The following SGCZ variants were observed in gnomAD, a reference collection of about 807,000 sequenced individuals.
The protein encoded by SGCZ is zeta-sarcoglycan.
In SGCZ, 40 loss-of-function variants were observed where a neutral mutation model predicts 41.3. The ratio of observed to expected loss-of-function variants is 0.97; its 90% CI spans 0.75 to 1.26. The LOEUF (loss-of-function observed/expected upper bound fraction) is 1.26. SGCZ is among the 50% of genes most tolerant of loss of function. The probability of loss-of-function intolerance (pLI) is 0.00; values close to 1 mark genes in which losing one functional copy is unlikely to be tolerated. For missense variants in SGCZ, 552 were observed against 369.8 expected (o/e 1.49, Z -4.04); for synonymous variants, 206 against 137.5 (o/e 1.50, Z -3.49).
intron 2 of SGCZ, among the ~76,000 whole-genome samples, chr8:14,431,408 T>G (rs962755954): frequency 1.3e-5 from 2 of 152,180 alleles, no homozygotes; most frequent in Non-Finnish European, 2.9e-5. Context: ...CAAGTGATCT[T>G]TGACAAAGCA....
At chr8:14,409,757 G>A (rs769525850) in intron 2 of SGCZ, among the ~76,000 whole-genome samples, 50 of 152,062 alleles carry the variant, frequency 3.3e-4, no homozygotes, top group Non-Finnish European at 6.6e-4. Context: ...AAAATCTACT[G>A]ATATACATAT....
At chr8:14,626,840 T>G (rs902798973) in intron 1 of SGCZ, among the ~76,000 whole-genome samples, 2 of 152,188 alleles carry the variant, frequency 1.3e-5, no homozygotes, top group Admixed American at 6.6e-5. Context: ...CCATCAATTC[T>G]ATTGCTTAAT....
chr8:15,020,001 T>G (rs1467645035), intron 1 of SGCZ, among the ~76,000 whole-genome samples: 1 of 151,910 alleles, frequency 6.6e-6, no homozygotes, highest in South Asian at 2.1e-4. Context: ...TAGCAAGTCA[T>G]TGTTATATAA....
chr8:15,000,009 T>C (rs1802358214), intron 1 of SGCZ, among the ~76,000 whole-genome samples: 1 of 152,122 alleles, frequency 6.6e-6, no homozygotes, highest in African/African-American at 2.4e-5. Context: ...TATTTGCAGA[T>C]AAGGTATTAA....
In SGCZ at chr8:14,471,603, T is replaced by TA. The variant is rs1801214757; in HGVS notation, c.234+83128dup. Among the ~76,000 whole-genome samples, 3 of 152,112 alleles carry TA rather than the reference T, an allele frequency of 2.0e-5. No homozygotes were observed. The South Asian group carries it at 6.2e-4, about 31-fold the overall frequency. ...CTAAGAAATTATTCAACGTATCCTATAATTATTACCAACTCCCTGGAAAAG... is the reference window on the plus strand; with the variant it reads ...CTAAGAAATTATTCAACGTATCCTATAAATTATTACCAACTCCCTGGAAAAG... On this transcript the variant is annotated intron_variant, in intron 2 of 7. Transcript: ENST00000382080.
intron 4 of SGCZ, among the ~76,000 whole-genome samples, chr8:14,187,251 C>T (rs562724654): frequency 1.9e-4 from 29 of 152,134 alleles, no homozygotes; most frequent in African/African-American, 7.0e-4. Flanking sequence ...TGGGATTATC[C>T]AGATTTCTCA....
At chr8:14,184,302 T>G (rs1325651385) in intron 4 of SGCZ, among the ~76,000 whole-genome samples, 1 of 152,154 alleles carries the variant, frequency 6.6e-6, no homozygotes, top group Non-Finnish European at 1.5e-5. Flanking sequence ...AATAGCATCT[T>G]TATAACTCAT....
At chr8:14,732,426 A>G (rs1798890142) in intron 1 of SGCZ, among the ~76,000 whole-genome samples, 1 of 152,246 alleles carries the variant, frequency 6.6e-6, no homozygotes, top group Non-Finnish European at 1.5e-5. Flanking sequence ...GAATCAAAAC[A>G]GATGACTGGT....
At chr8:14,504,767 T>G (rs569913279) in intron 2 of SGCZ, among the ~76,000 whole-genome samples, 107 of 152,160 alleles carry the variant, frequency 7.0e-4, no homozygotes, top group Admixed American at 8.5e-4. Flanking sequence ...CTGGAAGAGG[T>G]CCTAGCCTGT....
intron 1 of SGCZ, among the ~76,000 whole-genome samples, chr8:15,042,727 G>C (rs1394063116): frequency 1.3e-5 from 2 of 152,058 alleles, no homozygotes; most frequent in African/African-American, 2.4e-5. Context: ...TTATATTTAA[G>C]ATGCTTTTCA....
Position 15,230,889 on chromosome 8 carries a change from C to T in SGCZ, c.39+6696G>A, listed in dbSNP as rs533651916. Among the ~76,000 whole-genome samples the T allele has an allele frequency of 5.3e-5, 8 of 152,284 alleles. No homozygotes were observed. In the East Asian group the frequency reaches 9.7e-4, roughly 18 times the overall value. Reference sequence around the variant, plus strand: ...CCCTTTCAAAAAATCTAATCCCCACCGTGCAATGCTTGAGAATCCCTTGGC... The same window carrying T: ...CCCTTTCAAAAAATCTAATCCCCACTGTGCAATGCTTGAGAATCCCTTGGC... On this transcript the variant is annotated intron_variant, in intron 1 of 7. Coordinates refer to ENST00000382080, the MANE Select transcript of SGCZ (RefSeq NM_139167.4).
At chr8:14,689,685 G>T (rs1759679215) in intron 1 of SGCZ, among the ~76,000 whole-genome samples, 1 of 152,188 alleles carries the variant, frequency 6.6e-6, no homozygotes, top group South Asian at 2.1e-4. Context: ...TGTTAATCAG[G>T]GACTATCTAC....
chr8:14,215,875 G>C (rs113752130), intron 4 of SGCZ, among the ~76,000 whole-genome samples: 1 of 152,336 alleles, frequency 6.6e-6, no homozygotes, highest in South Asian at 2.1e-4. Flanking sequence ...ATGGTGCCGG[G>C]TGCAACCCGC....
At chr8:14,652,349 G>C (rs866800336) in intron 1 of SGCZ, among the ~76,000 whole-genome samples, 1 of 92,756 alleles carries the variant, frequency 1.1e-5, no homozygotes, top group African/African-American at 3.3e-5. Flanking sequence ...AAAAAAAAGG[G>C]GGGGGTGTGG....
intron 1 of SGCZ, among the ~76,000 whole-genome samples, chr8:14,562,927 T>A (rs767465636): frequency 7.9e-5 from 12 of 152,140 alleles, no homozygotes; most frequent in Non-Finnish European, 1.6e-4. Context: ...AGAGACAATG[T>A]CAGCAAATCA....
chr8:14,623,911 T>G (rs576763332), intron 1 of SGCZ, among the ~76,000 whole-genome samples: 1 of 152,316 alleles, frequency 6.6e-6, no homozygotes, highest in African/African-American at 2.4e-5. Context: ...TGGACTTTTC[T>G]GTGAGGGAGA....
At chr8:14,732,697 C>T (rs1293657235) in intron 1 of SGCZ, among the ~76,000 whole-genome samples, 1 of 152,098 alleles carries the variant, frequency 6.6e-6, no homozygotes, top group Non-Finnish European at 1.5e-5. Context: ...AGGTCTTTTC[C>T]TTCCTAAAAC....
chr8:14,092,754 C>T (rs1023702841), intron 7 of SGCZ, among the ~76,000 whole-genome samples: 12 of 152,020 alleles, frequency 7.9e-5, no homozygotes. Flanking sequence ...CCTCCCCAGC[C>T]TCGTGGAAGT....
At chr8:14,135,571 C>T (rs1026664755) in intron 5 of SGCZ, among the ~76,000 whole-genome samples, 8 of 152,202 alleles carry the variant, frequency 5.3e-5, no homozygotes, top group African/African-American at 1.9e-4. Flanking sequence ...TGAAAAAAAT[C>T]TCACAAAATG....
Sources: allele counts gnomAD v4.1 joint callset (sites outside exome capture counted in the v4.1 genomes callset), GRCh38; gene constraint gnomAD v4.1.1; transcripts MANE v1.5; gene names NCBI Gene and HGNC (gene_info 2026-07-23, HGNC 2026-07-21).